SHISAL1: variants seen among roughly 807,000 people sequenced by gnomAD.
The protein encoded by SHISAL1 is shisa like 1, also known as protein shisa-like-1.
SHISAL1 carries 9 observed loss-of-function variants against 22.6 expected under a neutral mutation model. The observed-to-expected ratio is 0.40, with a 90% CI of 0.24 to 0.70. SHISAL1 has a LOEUF of 0.70. SHISAL1 is among the 30% of genes least tolerant of loss of function. SHISAL1 has a pLI of 0.39. For synonymous variants in SHISAL1, 119 were observed against 115.4 expected, an observed-to-expected ratio of 1.03 and a Z score of -0.20; for missense variants, 246 against 270.6, an observed-to-expected ratio of 0.91 and a Z score of 0.64.
chr22:44,324,114 T>C, the SHISAL1 span, among the ~76,000 whole-genome samples: 1 of 152,208 alleles, frequency 6.6e-6, no homozygotes, highest in Admixed American at 6.5e-5. Context: ...GCAATGTAAC[T>C]GACCCAGCTG....
In SHISAL1 at chr22:44,307,661, T is replaced by C. The variant is rs564541415; in HGVS notation, c.-33+5090A>G. ...CATGGCCAGAATCACGAGTCAGGCA[T>C]GCATCTCTGCGGGCCACCCCTCCGG... is the stretch of plus-strand genomic sequence containing the variant. On this transcript the variant is annotated intron_variant, in intron 1 of 4. Transcript: ENST00000381176. Among the ~76,000 whole-genome samples the C allele has an allele frequency of 5.2e-4, 79 of 152,248 alleles. No homozygotes were observed. The South Asian group carries it at 0.016, about 31-fold the overall frequency.
rs2054997891 is a variant in SHISAL1 at position 44,246,027 on chromosome 22, A to C, written c.*3658T>G. On this transcript the variant is annotated 3_prime_UTR_variant, in exon 5 of 5. Coordinates refer to ENST00000381176, the MANE Select transcript of SHISAL1 (RefSeq NM_001099294.2). ...ATGTACTTGTGTGTTTTTTCAATTA[A>C]GGCCTGTTGCACATCAGCAATGGTC... 1 of 152,214 alleles carries C rather than the reference A, an allele frequency of 6.6e-6. No individual in the cohort carries two copies. The allele number at this position is 152,214 out of a possible 1,614,324, so 9.4% of individuals were successfully genotyped here.
chr22:44,296,441 T>C (rs551791087), intron 3 of SHISAL1, among the ~76,000 whole-genome samples: 1 of 152,344 alleles, frequency 6.6e-6, no homozygotes, highest in Admixed American at 6.5e-5. Context: ...ATTACAGGTG[T>C]GAGCTACCGC....
intron 4 of SHISAL1, among the ~76,000 whole-genome samples, chr22:44,278,123 G>A (rs2055252475): frequency 1.3e-5 from 2 of 152,200 alleles, no homozygotes; most frequent in South Asian, 2.1e-4. Flanking sequence ...ACCTTCATCT[G>A]GGTGGGCACC....
intron 4 of SHISAL1, among the ~76,000 whole-genome samples, chr22:44,267,670 T>TC (rs1274112448): frequency 3.9e-5 from 6 of 152,144 alleles, no homozygotes; most frequent in African/African-American, 1.4e-4. Flanking sequence ...CTCCCACCTG[T>TC]CCCCTCCTGC....
At chr22:44,250,634 G>A (rs1472530446) in intron 4 of SHISAL1, among the ~76,000 whole-genome samples, 2 of 152,202 alleles carry the variant, frequency 1.3e-5, no homozygotes, top group Non-Finnish European at 2.9e-5. Context: ...GGCTAACGCT[G>A]TGTAAGTGGG....
At chr22:44,330,823 G>C in the SHISAL1 span, among the ~76,000 whole-genome samples, 2 of 151,894 alleles carry the variant, frequency 1.3e-5, no homozygotes, top group African/African-American at 4.8e-5. Flanking sequence ...CCCCAGCCCC[G>C]GGCGCGGGAT....
At position 44,298,341 on chromosome 22, in the gene SHISAL1, G is replaced by C. The variant is rs114025727; in HGVS notation, c.68-1456C>G. On this transcript the variant is annotated intron_variant, in intron 2 of 4. Transcript: ENST00000381176. The stretch of plus-strand genomic sequence containing the variant: ...CAAAGTGTGGCCCCTGATCGGCCTC[G>C]AGGGCATCCCCGGAGGGCTTGTCAG... Among the ~76,000 whole-genome samples, 758 of 152,352 alleles carry C rather than the reference G, an allele frequency of 5.0e-3. 6 individuals are homozygous for C. The highest frequency in any genetic ancestry group is 0.017 in the African/African-American group (715 of 41,580).
rs1197485125 is a variant in SHISAL1 at position 44,274,495 on chromosome 22, A to T, written c.599+10933T>A. Among the ~76,000 whole-genome samples the T allele has an allele frequency of 3.3e-5, 5 of 152,186 alleles. No homozygotes were observed. In the East Asian group the frequency reaches 9.6e-4, roughly 29 times the overall value. ...AAAGGTGTCTGCTGTTTTCTGGAGT[A>T]TGTCTCCTCCTCCTGCCCCCAGGAG... On this transcript the variant is annotated intron_variant, in intron 4 of 4. Transcript: ENST00000381176.
intron 3 of SHISAL1, among the ~76,000 whole-genome samples, chr22:44,292,364 T>G (rs1441872869): frequency 6.6e-6 from 1 of 152,154 alleles, no homozygotes; most frequent in African/African-American, 2.4e-5. Flanking sequence ...CGGTCCCCAG[T>G]GGCACACAAG....
chr22:44,297,154 C>G (rs748968644), intron 2 of SHISAL1, among the ~76,000 whole-genome samples: 16 of 152,206 alleles, frequency 1.1e-4, no homozygotes, highest in Non-Finnish European at 1.6e-4. Context: ...ATGCAGCAGT[C>G]ACTCAATTAG....
chr22:44,260,060 C>T (rs891889970), intron 4 of SHISAL1, among the ~76,000 whole-genome samples: 12 of 152,240 alleles, frequency 7.9e-5, no homozygotes, highest in African/African-American at 2.2e-4. Context: ...TCCACCACGG[C>T]GCCCTCCAGA....
intron 4 of SHISAL1, among the ~76,000 whole-genome samples, chr22:44,260,090 T>C (rs1429529184): frequency 6.6e-6 from 1 of 152,102 alleles, no homozygotes; most frequent in Non-Finnish European, 1.5e-5. Flanking sequence ...TGAGAAGACA[T>C]ACAAGCAAGT....
At chr22:44,280,062 C>T (rs135404) in intron 4 of SHISAL1, among the ~76,000 whole-genome samples, 78,221 of 151,980 alleles carry the variant, frequency 0.51, 21,419 homozygotes, top group Non-Finnish European at 0.62. Context: ...TCCTCTCTTC[C>T]AGCCACTCCC....
chr22:44,323,128 C>T, the SHISAL1 span, among the ~76,000 whole-genome samples: 2 of 146,286 alleles, frequency 1.4e-5, no homozygotes, highest in Non-Finnish European at 3.0e-5. Context: ...CTCACCCACC[C>T]GTTCATCCAT....
chr22:44,324,049 T>A, the SHISAL1 span, among the ~76,000 whole-genome samples: 4 of 152,200 alleles, frequency 2.6e-5, no homozygotes, highest in Non-Finnish European at 4.4e-5. Flanking sequence ...GAGTGGAGAC[T>A]GGGATTTGAA....
the SHISAL1 span, among the ~76,000 whole-genome samples, chr22:44,320,861 C>G: frequency 6.6e-6 from 1 of 152,228 alleles, no homozygotes; most frequent in Non-Finnish European, 1.5e-5. Context: ...CTAGCCAGCA[C>G]TGTGGGGCAG....
intron 4 of SHISAL1, among the ~76,000 whole-genome samples, chr22:44,258,467 C>T (rs2147270905): frequency 6.6e-6 from 1 of 152,320 alleles, no homozygotes; most frequent in East Asian, 1.9e-4. Context: ...TCTCCCTTCT[C>T]CCACCTTCCG....
chr22:44,285,330 C>T (rs1056250872), intron 4 of SHISAL1, 98 bp downstream of exon 4: 2 of 1,318,690 alleles, frequency 1.5e-6, no homozygotes, highest in Non-Finnish European at 1.1e-6. Flanking sequence ...ATCAGGCAAC[C>T]AATGAGCCAA....
Sources: allele counts gnomAD v4.1 joint callset (sites outside exome capture counted in the v4.1 genomes callset), GRCh38; gene constraint gnomAD v4.1.1; transcripts MANE v1.5; gene names NCBI Gene and HGNC (gene_info 2026-07-23, HGNC 2026-07-21).